Variants in ERBIN observed in about 807,000 individuals in gnomAD.
The protein encoded by ERBIN is erbb2 interacting protein, also known as densin-180-like protein.
ERBIN carries 60 observed loss-of-function variants against 158.4 expected under a neutral mutation model. The ratio of observed to expected loss-of-function variants is 0.38; its 90% CI spans 0.31 to 0.47. The LOEUF is 0.47. Among genes scored for constraint, ERBIN ranks in the 20% least tolerant of loss-of-function variants. The pLI is 0.99. For synonymous variants in ERBIN, 594 were observed against 557.2 expected (o/e 1.07, Z -0.93); for missense variants, 1,610 against 1,648.0 (o/e 0.98, Z 0.40).
intron 20 of ERBIN, 131 bp downstream of exon 20, chr5:66,051,097 C>A: frequency 1.8e-6 from 1 of 541,246 alleles, no homozygotes; most frequent in Non-Finnish European, 3.1e-6. Context: ...TTTATTTCCC[C>A]ATTTTTATTG....
chr5:65,987,842 CAAA>C (rs60092791), intron 1 of ERBIN, among the ~76,000 whole-genome samples: 23 of 83,130 alleles, frequency 2.8e-4, no homozygotes, highest in African/African-American at 7.4e-4. Context: ...GATACGTCTC[CAAA>C]AAAAAAAAAA....
At chr5:66,023,502 T>C (rs2151145774) in intron 9 of ERBIN, 138 bp downstream of exon 9, 1 of 510,716 alleles carries the variant, frequency 2.0e-6, no homozygotes, top group African/African-American at 2.0e-5. Flanking sequence ...AATTACTTTT[T>C]TTCATGAGCA....
chr5:66,060,879 A>G (rs1274059780), intron 21 of ERBIN, among the ~76,000 whole-genome samples: 1 of 152,086 alleles, frequency 6.6e-6, no homozygotes, highest in Non-Finnish European at 1.5e-5. Context: ...CCTGAGTTCT[A>G]GTTTGATTGC....
intron 8 of ERBIN, 45 bp from the exon 9 acceptor site, chr5:66,023,245 A>G: frequency 7.1e-7 from 1 of 1,416,998 alleles, no homozygotes; most frequent in Non-Finnish European, 9.9e-7. Flanking sequence ...AGACATTCAT[A>G]AAAATTAATT....
At chr5:66,014,135 A>G (rs575010993) in intron 6 of ERBIN, among the ~76,000 whole-genome samples, 16 of 152,194 alleles carry the variant, frequency 1.1e-4, no homozygotes, top group Non-Finnish European at 1.9e-4. Context: ...AATGCTAGCC[A>G]ACTAAATGTT....
At chr5:65,995,790 T>A (rs1331089185) in intron 4 of ERBIN, among the ~76,000 whole-genome samples, 1 of 152,132 alleles carries the variant, frequency 6.6e-6, no homozygotes, top group Non-Finnish European at 1.5e-5. Context: ...TTATCTTTAG[T>A]CTTTTTACTC....
intron 21 of ERBIN, among the ~76,000 whole-genome samples, chr5:66,066,203 A>G (rs1471794313): frequency 1.3e-5 from 2 of 152,186 alleles, no homozygotes; most frequent in Non-Finnish European, 2.9e-5. Context: ...TGAAAGTGCT[A>G]CATAAATATA....
intron 1 of ERBIN, among the ~76,000 whole-genome samples, chr5:65,977,372 T>G (rs1390874294): frequency 7.1e-6 from 1 of 140,734 alleles, no homozygotes; most frequent in Non-Finnish European, 1.5e-5. Context: ...GGGTGGCTGC[T>G]GGGCGGAGGG....
chr5:66,015,416 C>T (rs1414517861), intron 7 of ERBIN, among the ~76,000 whole-genome samples: 1 of 152,110 alleles, frequency 6.6e-6, no homozygotes, highest in African/African-American at 2.4e-5. Flanking sequence ...CAGCCACATA[C>T]ATTCATGTAC....
chr5:66,006,792 C>T (rs1753650950), intron 4 of ERBIN, among the ~76,000 whole-genome samples: 2 of 152,088 alleles, frequency 1.3e-5, no homozygotes, highest in African/African-American at 2.4e-5. Context: ...TGAAAAAGTG[C>T]TCATCATCAC....
chr5:66,073,295 G>C (rs1761693621), intron 22 of ERBIN, among the ~76,000 whole-genome samples: 1 of 152,172 alleles, frequency 6.6e-6, no homozygotes, highest in Non-Finnish European at 1.5e-5. Context: ...AAAATCATGG[G>C]CTATCTGCAG....
chr5:65,990,583 G>A (rs186761916), intron 2 of ERBIN, among the ~76,000 whole-genome samples: 47 of 151,582 alleles, frequency 3.1e-4, no homozygotes, highest in African/African-American at 1.1e-3. Flanking sequence ...GCGTGAACCC[G>A]GGCAGCGGAG....
In ERBIN at chr5:66,054,607, G is replaced by A; in HGVS notation, c.3289G>A (p.Ala1097Thr). Residue 1097 changes from alanine (A) to threonine (T), a missense_variant, in exon 21 of 26, where the codon GCT becomes ACT. Around this residue, in one of 2 missense-constraint regions of ERBIN, gnomAD observed 1,014 missense variants for 936.1 expected, o/e 1.08. Coordinates refer to ENST00000284037, the MANE Select transcript of ERBIN (RefSeq NM_001253697.2). Reference protein sequence around the residue: ...NLGDPGSTRRAQIPEGDYLSY... With the variant: ...NLGDPGSTRRTQIPEGDYLSY... ...TGGTGATCCAGGCTCTACAAGGCGGGCTCAGATTCCTGAAGGAGATTATTT... is the reference window on the plus strand; with the variant it reads ...TGGTGATCCAGGCTCTACAAGGCGGACTCAGATTCCTGAAGGAGATTATTT... 6.2e-7 allele frequency: 1 copy of A among 1,614,098 alleles called. No homozygotes were observed. Among genetic ancestry groups the A allele is most frequent in the Non-Finnish European group, 8.5e-7 (1 of 1,179,994 alleles).
intron 17 of ERBIN, among the ~76,000 whole-genome samples, chr5:66,045,730 A>T (rs536956779): frequency 6.6e-6 from 1 of 152,336 alleles, no homozygotes; most frequent in South Asian, 2.1e-4. Context: ...TTGACAGTGT[A>T]TTGTCAGCAT....
intron 19 of ERBIN, among the ~76,000 whole-genome samples, chr5:66,049,393 C>G (rs1758795752): frequency 2.0e-5 from 3 of 152,002 alleles, no homozygotes; most frequent in Admixed American, 6.6e-5. Flanking sequence ...ATCAATGATA[C>G]TTATTATCAA....
rs1172510965 is a variant in ERBIN at position 65,940,726 on chromosome 5, C to T, written c.-58+13920C>T. ...CAGCCCCCCGCCCGGCCAGCCGCCC[C>T]GTCCGGGAGGTGAGGGGCGCCTCTG... On this transcript the variant is annotated intron_variant, in intron 1 of 25. Transcript: ENST00000284037. 2.6e-3 allele frequency among the ~76,000 whole-genome samples: 245 copies of T among 95,258 alleles called. 5 individuals are homozygous for T. Among genetic ancestry groups the T allele is most frequent in the African/African-American group, 8.7e-3 (225 of 25,890 alleles). 62.5% of individuals were successfully genotyped at this position (95,258 alleles called of 152,430 possible).
At chr5:66,034,727 AAATT>A (rs1456246778) in intron 14 of ERBIN, among the ~76,000 whole-genome samples, 1 of 152,184 alleles carries the variant, frequency 6.6e-6, no homozygotes, top group East Asian at 1.9e-4. Context: ...ATATGAGTAC[AAATT>A]AATCACTCCA....
At chr5:66,032,677 A>G (rs978470304) in intron 14 of ERBIN, among the ~76,000 whole-genome samples, 1 of 152,178 alleles carries the variant, frequency 6.6e-6, no homozygotes, top group Admixed American at 6.5e-5. Context: ...AGTGCCAAGC[A>G]TGAAGGTAGG....
intron 1 of ERBIN, among the ~76,000 whole-genome samples, chr5:65,929,637 C>CTTTTTTTTTTT (rs762687200): frequency 8.2e-6 from 1 of 121,664 alleles, no homozygotes; most frequent in Non-Finnish European, 1.7e-5. Flanking sequence ...GTCTTTTCCT[C>CTTTTTTTTTTT]TTTTTTTTTT....
Sources: gnomAD v4.1 joint callset for allele counts (sites outside exome capture counted in the v4.1 genomes callset) on GRCh38, gnomAD v4.1.1 for gene constraint, gnomAD v4.1.1 regional missense constraint, MANE v1.5 for transcripts, NCBI Gene and HGNC (gene_info 2026-07-23, HGNC 2026-07-21) for gene names.